Variants in KCNJ1 observed in about 807,000 individuals in gnomAD.
The protein encoded by KCNJ1 is potassium inwardly rectifying channel subfamily J member 1.
In KCNJ1, 24 loss-of-function variants were observed where a neutral mutation model predicts 21.9. The ratio of observed to expected loss-of-function variants is 1.10; its 90% CI spans 0.79 to 1.54. The LOEUF is 1.54. Among genes scored for constraint, KCNJ1 ranks in the 40% most tolerant of loss-of-function variants. The pLI, the probability that KCNJ1 is intolerant of heterozygous loss-of-function variation, is 0.00. For missense variants in KCNJ1, 457 were observed against 455.4 expected, an observed-to-expected ratio of 1.00 and a Z score of -0.03; for synonymous variants, 152 against 160.9, an observed-to-expected ratio of 0.94 and a Z score of 0.42.
chr11:128,849,963 C>A (rs976128743), intron 2 of KCNJ1, among the ~76,000 whole-genome samples: 5 of 152,178 alleles, frequency 3.3e-5, no homozygotes, highest in Non-Finnish European at 7.4e-5. Flanking sequence ...CAGCCCCATA[C>A]ACTCACTGCT....
intron 2 of KCNJ1, chr11:128,842,280 T>C: frequency 7.8e-7 from 1 of 1,276,622 alleles, no homozygotes; most frequent in Non-Finnish European, 1.1e-6. Context: ...AAGTACCCCC[T>C]GATTGATCAC....
chr11:128,857,852 G>A (rs1176699562), intron 1 of KCNJ1, among the ~76,000 whole-genome samples: 1 of 152,126 alleles, frequency 6.6e-6, no homozygotes. Context: ...GTGAGTAATA[G>A]CACATAGATC....
chr11:128,838,975 T>A lies in KCNJ1; in HGVS notation c.*150A>T. 8 of 681,566 alleles carry A rather than the reference T, an allele frequency of 1.2e-5. No individual in the cohort carries two copies. The South Asian group carries it at 1.4e-4, about 12-fold the overall frequency. 42.2% of individuals were successfully genotyped at this position (681,566 alleles called of 1,614,324 possible). A position where few individuals can be genotyped will look rare whatever the true frequency, so the allele number is the denominator to read the frequency against. Reference sequence around the variant, plus strand: ...TTGTGGAGATGCATGTCTTGTGGGATCACAATTGCGGGGCTCAGGGGTCTT... The same window carrying A: ...TTGTGGAGATGCATGTCTTGTGGGAACACAATTGCGGGGCTCAGGGGTCTT... On this transcript the variant is annotated 3_prime_UTR_variant, in exon 3 of 3. Coordinates refer to ENST00000392666, the MANE Select transcript of KCNJ1 (RefSeq NM_153766.3).
intron 2 of KCNJ1, among the ~76,000 whole-genome samples, chr11:128,845,234 G>A (rs1943357405): frequency 6.6e-6 from 1 of 152,218 alleles, no homozygotes; most frequent in African/African-American, 2.4e-5. Context: ...AACAATGCAA[G>A]GTAACAGTCC....
chr11:128,865,193 ATCATGCTT>A (rs1229668783), intron 1 of KCNJ1, among the ~76,000 whole-genome samples: 2 of 152,154 alleles, frequency 1.3e-5, no homozygotes, highest in African/African-American at 2.4e-5. Context: ...CGCATTTAGG[ATCATGCTT>A]CCATGAGGTC....
At chr11:128,842,548 C>T in intron 2 of KCNJ1, 1 of 1,542,626 alleles carries the variant, frequency 6.5e-7, no homozygotes, top group Non-Finnish European at 8.8e-7. Context: ...CTTGGAAACA[C>T]TTAATTTGAT....
Position 128,839,815 on chromosome 11 carries a change from A to G in KCNJ1, c.429T>C (p.Phe143=), listed in dbSNP as rs560265374. The part of the protein sequence containing the change: ...QCATAIFLLI[F]QSILGVIINS... The stretch of plus-strand genomic sequence containing the variant: ...TGATTATAACTCCAAGTATAGACTG[A>G]AAGATAAGCAGAAAAATGGCAGTGG... Residue 143 remains phenylalanine (F), a synonymous_variant, in exon 3 of 3, where the codon TTT becomes TTC. Coordinates refer to ENST00000392666, the MANE Select transcript of KCNJ1 (RefSeq NM_153766.3). 10 of 1,614,208 alleles carry G rather than the reference A, an allele frequency of 6.2e-6. No homozygotes were observed. In the African/African-American group the frequency reaches 1.3e-4, roughly 22 times the overall value.
In KCNJ1 at chr11:128,840,157, C is replaced by T. The variant is rs909572402; in HGVS notation, c.87G>A (p.Arg29=). ...QRARLVSKDG[R]CNIEFGNVEA... ...CCACATTGCCAAATTCTATGTTGCACCTTCCATCTTTGGAGACTAGCCTTG... is the reference window on the plus strand; with the variant it reads ...CCACATTGCCAAATTCTATGTTGCATCTTCCATCTTTGGAGACTAGCCTTG... The change falls in exon 3 of 3, where the codon AGG becomes AGA. Residue 29 remains arginine, a synonymous_variant. Coordinates refer to ENST00000392666, the MANE Select transcript of KCNJ1 (RefSeq NM_153766.3). The T allele has an allele frequency of 6.2e-7, 1 of 1,614,044 alleles. No individual in the cohort carries two copies. Among genetic ancestry groups the T allele is most frequent in the Non-Finnish European group, 8.5e-7 (1 of 1,180,038 alleles).
intron 1 of KCNJ1, among the ~76,000 whole-genome samples, chr11:128,857,146 C>T (rs1943604954): frequency 2.0e-5 from 3 of 152,312 alleles, no homozygotes; most frequent in African/African-American, 7.2e-5. Context: ...GCACCTGCTG[C>T]TTCCTCCTTC....
chr11:128,842,592 G>A (rs535005102), intron 2 of KCNJ1: 6 of 1,413,868 alleles, frequency 4.2e-6, no homozygotes, highest in Middle Eastern at 4.1e-4. Context: ...AAGGCAATTG[G>A]TTGTTCTCAG....
In KCNJ1 at chr11:128,849,564, G is replaced by A. The variant is rs555880554; in HGVS notation, c.-22+1157C>T. The stretch of plus-strand genomic sequence containing the variant: ...CAGGTACCCTGGGTTGGATCTGAGG[G>A]TGTGTGTTGGAGGAGAAGACCATAG... On this transcript the variant is annotated intron_variant, in intron 2 of 2. Coordinates refer to ENST00000392666, the MANE Select transcript of KCNJ1 (RefSeq NM_153766.3). Among the ~76,000 whole-genome samples, 38 of 152,324 alleles carry A rather than the reference G, an allele frequency of 2.5e-4. No individual in the cohort carries two copies. The South Asian group carries it at 7.0e-3, about 28-fold the overall frequency.
chr11:128,848,671 G>A (rs1010809108), intron 2 of KCNJ1, among the ~76,000 whole-genome samples: 19 of 152,284 alleles, frequency 1.2e-4, no homozygotes, highest in South Asian at 1.0e-3. Flanking sequence ...CAGTGACAAG[G>A]AGCTGGAGCA....
At position 128,843,633 on chromosome 11, in the gene KCNJ1, C is replaced by T. The variant is rs115582638; in HGVS notation, c.-21-3369G>A. 3.2e-3 allele frequency among the ~76,000 whole-genome samples: 493 copies of T among 152,270 alleles called. 1 individual carries two copies. The highest frequency in any genetic ancestry group is 0.011 in the African/African-American group (466 of 41,562). ...GGGGAAGTGAACTAAGGAAATCAAC[C>T]ACAACCGAGCATGGTTGGTATAATG... On this transcript the variant is annotated intron_variant, in intron 2 of 2. Coordinates refer to ENST00000392666, the MANE Select transcript of KCNJ1 (RefSeq NM_153766.3).
intron 2 of KCNJ1, among the ~76,000 whole-genome samples, chr11:128,845,286 A>C (rs1943358851): frequency 6.6e-6 from 1 of 152,218 alleles, no homozygotes. Flanking sequence ...CAAGAATTGT[A>C]ATGTGGCAGG....
chr11:128,845,989 CTG>C (rs1429925025), intron 2 of KCNJ1, among the ~76,000 whole-genome samples: 1 of 152,188 alleles, frequency 6.6e-6, no homozygotes, highest in Non-Finnish European at 1.5e-5. Flanking sequence ...AGGAGGCACA[CTG>C]TGTTCTGTAG....
chr11:128,847,582 G>A (rs1469067376), intron 2 of KCNJ1, among the ~76,000 whole-genome samples: 1 of 152,186 alleles, frequency 6.6e-6, no homozygotes, highest in Non-Finnish European at 1.5e-5. Context: ...ATTCTATCTA[G>A]CTAACTTGTT....
Position 128,840,091 on chromosome 11 carries a change from T to C in KCNJ1, c.153A>G (p.Thr51=). The change falls in exon 3 of 3, where the codon ACA becomes ACG. Residue 51 remains threonine (T), a synonymous_variant. Coordinates refer to ENST00000392666, the MANE Select transcript of KCNJ1 (RefSeq NM_153766.3). ...ATCTCCACTTGAGGTCAAGTACCGT[T>C]GTCCAGATGTCCACAAAGAATATAA... ...SRFIFFVDIW[T]TVLDLKWRYK... The C allele has an allele frequency of 6.2e-7, 1 of 1,614,236 alleles. No homozygotes were observed.
intron 1 of KCNJ1, among the ~76,000 whole-genome samples, chr11:128,860,006 C>G (rs529112321): frequency 3.3e-5 from 5 of 151,816 alleles, no homozygotes; most frequent in African/African-American, 1.2e-4. Flanking sequence ...CCGGGCCTCC[C>G]GCTTACCAGC....
intron 1 of KCNJ1, among the ~76,000 whole-genome samples, chr11:128,860,248 A>G (rs533566843): frequency 6.6e-6 from 1 of 152,310 alleles, no homozygotes; most frequent in African/African-American, 2.4e-5. Flanking sequence ...CTATAGAAAC[A>G]TGACTTGGAT....
Sources: gnomAD v4.1 joint callset for allele counts (sites outside exome capture counted in the v4.1 genomes callset) on GRCh38, gnomAD v4.1.1 for gene constraint, MANE v1.5 for transcripts, NCBI Gene and HGNC (gene_info 2026-07-23, HGNC 2026-07-21) for gene names.